CSNK1G1: variants seen among roughly 807,000 people sequenced by gnomAD.
CSNK1G1 encodes the protein casein kinase 1 gamma 1, also known as casein kinase I isoform gamma-1.
Under a neutral mutation model 59.6 loss-of-function variants are expected in CSNK1G1, and 22 were observed. The observed-to-expected ratio is 0.37, with a 90% CI of 0.26 to 0.53. CSNK1G1 has a LOEUF of 0.53. Among genes scored for constraint, CSNK1G1 ranks in the 20% least tolerant of loss-of-function variants. CSNK1G1 has a pLI of 0.89. For synonymous variants in CSNK1G1, 179 were observed against 177.1 expected (o/e 1.01, Z -0.08); for missense variants, 384 against 519.5 (o/e 0.74, Z 2.54).
chr15:64,215,511 C>T (rs2082301166), intron 5 of CSNK1G1, among the ~76,000 whole-genome samples: 1 of 152,022 alleles, frequency 6.6e-6, no homozygotes, highest in Non-Finnish European at 1.5e-5. Context: ...CATTCCCAGC[C>T]CTTTTCTACT....
chr15:64,343,454 C>G (rs1327595675), intron 1 of CSNK1G1, among the ~76,000 whole-genome samples: 1 of 152,130 alleles, frequency 6.6e-6, no homozygotes, highest in Non-Finnish European at 1.5e-5. Flanking sequence ...TCTGGGAAAG[C>G]TTTTAAAAAC....
chr15:64,218,037 C>G (rs117630993), intron 4 of CSNK1G1, among the ~76,000 whole-genome samples: 1 of 151,316 alleles, frequency 6.6e-6, no homozygotes, highest in Non-Finnish European at 1.5e-5. Context: ...CTCTGCCTCC[C>G]GGACTAACGC....
Position 64,275,740 on chromosome 15 carries a change from A to T in CSNK1G1, c.182-16499T>A, listed in dbSNP as rs149325826. Among the ~76,000 whole-genome samples, 55 of 152,276 alleles carry T rather than the reference A, an allele frequency of 3.6e-4. 1 individual carries two copies. Among genetic ancestry groups the T allele is most frequent in the African/African-American group, 1.2e-3 (49 of 41,578 alleles). ...ATTGATTTTAAAGAATGTCTTGACC[A>T]AATTTTTTAAAGAAAAAATATATAA... On this transcript the variant is annotated intron_variant, in intron 2 of 11. Transcript: ENST00000303052.
chr15:64,286,878 C>T (rs1384828726), intron 2 of CSNK1G1, among the ~76,000 whole-genome samples: 1 of 152,066 alleles, frequency 6.6e-6, no homozygotes, highest in African/African-American at 2.4e-5. Flanking sequence ...AAATCTCTGA[C>T]GATTAATGTT....
chr15:64,319,390 A>G (rs1451441915), intron 1 of CSNK1G1, among the ~76,000 whole-genome samples: 1 of 151,900 alleles, frequency 6.6e-6, no homozygotes, highest in South Asian at 2.1e-4. Flanking sequence ...GATATCAGGC[A>G]TCCTGAGACT....
intron 4 of CSNK1G1, among the ~76,000 whole-genome samples, chr15:64,240,020 G>A (rs919292533): frequency 2.0e-5 from 3 of 152,086 alleles, no homozygotes; most frequent in Non-Finnish European, 4.4e-5. Context: ...GATCACTTGA[G>A]GTCAGGAGTT....
At chr15:64,203,375 G>A (rs549554022) in intron 9 of CSNK1G1, among the ~76,000 whole-genome samples, 186 bp from the exon 10 acceptor site, 3 of 152,232 alleles carry the variant, frequency 2.0e-5, no homozygotes, top group Non-Finnish European at 4.4e-5. Context: ...GTCCTTAATA[G>A]TTCATTGGAG....
At chr15:64,319,748 A>C (rs567544028) in intron 1 of CSNK1G1, among the ~76,000 whole-genome samples, 1 of 151,592 alleles carries the variant, frequency 6.6e-6, no homozygotes, top group Non-Finnish European at 1.5e-5. Context: ...ACGAGGTTTC[A>C]CCGTGTTGCC....
Position 64,297,442 on chromosome 15 carries a change from C to T in CSNK1G1, c.181+2877G>A, listed in dbSNP as rs190039760. On this transcript the variant is annotated intron_variant, in intron 2 of 11. Transcript: ENST00000303052. ...GCACACGGTTGGTCAGGTGTGGCGG[C>T]TCACATCTGTAATCCCAACACTTTG... Among the ~76,000 whole-genome samples, 42 of 152,162 alleles carry T rather than the reference C, an allele frequency of 2.8e-4. 1 individual carries two copies. In the East Asian group the frequency reaches 7.2e-3, roughly 26 times the overall value.
intron 10 of CSNK1G1, chr15:64,181,607 T>C (rs1212915707): frequency 1.1e-5 from 7 of 610,250 alleles, no homozygotes; most frequent in African/African-American, 1.9e-5. Context: ...CAGCATAGTG[T>C]AGAAATTGCC....
At chr15:64,261,872 G>A (rs1171031855) in intron 2 of CSNK1G1, among the ~76,000 whole-genome samples, 1 of 150,076 alleles carries the variant, frequency 6.7e-6, no homozygotes, top group Non-Finnish European at 1.5e-5. Flanking sequence ...GACCTGGGAG[G>A]CAGAGGTTGC....
intron 1 of CSNK1G1, among the ~76,000 whole-genome samples, chr15:64,351,220 G>C (rs1418287721): frequency 6.6e-6 from 1 of 152,072 alleles, no homozygotes; most frequent in Non-Finnish European, 1.5e-5. Context: ...TAAAAAGAAA[G>C]CACCGCCTGG....
intron 2 of CSNK1G1, among the ~76,000 whole-genome samples, chr15:64,261,837 G>A (rs753921728): frequency 6.6e-6 from 1 of 151,240 alleles, no homozygotes; most frequent in Admixed American, 6.6e-5. Context: ...CAGCTACTCA[G>A]GAGGCTGAGG....
At chr15:64,213,433 CT>C (rs2082273125) in intron 6 of CSNK1G1, among the ~76,000 whole-genome samples, 1 of 152,140 alleles carries the variant, frequency 6.6e-6, no homozygotes, top group African/African-American at 2.4e-5. Context: ...TATATTTTCA[CT>C]GAATAAGACA....
rs2082291284 is a variant in CSNK1G1 at position 64,214,914 on chromosome 15, C to T, written c.445-790G>A. Among the ~76,000 whole-genome samples, 3 of 152,166 alleles carry T rather than the reference C, an allele frequency of 2.0e-5. No individual in the cohort carries two copies. In the South Asian group the frequency reaches 6.2e-4, roughly 32 times the overall value. On this transcript the variant is annotated intron_variant, in intron 5 of 11. Coordinates refer to ENST00000303052, the MANE Select transcript of CSNK1G1 (RefSeq NM_022048.5). The surrounding 1 kb of genome is among the most constrained non-coding windows in gnomAD (Gnocchi z 4.3). The stretch of plus-strand genomic sequence containing the variant: ...TCGGCCTCCCAAAATGCTAGGATTA[C>T]AGGCATGAGCCACCATGCCTGGCCG...
rs11852842 is a variant in CSNK1G1 at position 64,226,069 on chromosome 15, G to A, written c.293-9356C>T. Among the ~76,000 whole-genome samples, 1,289 of 152,274 alleles carry A rather than the reference G, an allele frequency of 8.5e-3. 18 individuals carry two copies. Among genetic ancestry groups the A allele is most frequent in the African/African-American group, 0.029 (1,198 of 41,552 alleles). On this transcript the variant is annotated intron_variant, in intron 4 of 11. Coordinates refer to ENST00000303052, the MANE Select transcript of CSNK1G1 (RefSeq NM_022048.5). ...GCCTTCGTCTTCCATTGCTTTGTGC[G>A]TTTTGTTCAATTCTTTGCTCAAGGC...
rs774906143 is a variant in CSNK1G1 at position 64,214,106 on chromosome 15, C to T, written c.463G>A (p.Val155Met). ...AIQLLSRMEY[V>M]HSKNLIYRDV... The stretch of plus-strand genomic sequence containing the variant: ...CGGTAAATGAGGTTCTTTGAGTGCA[C>T]GTATTCCATTCGAGAAAGCTGAAAG... Residue 155 changes from valine (V) to methionine (M), a missense_variant, in exon 6 of 12, where the codon GTG (valine) becomes ATG (methionine). Physicochemically the swap from Val to Met is conservative, Grantham distance 21 (BLOSUM62 1). Transcript: ENST00000303052. This position sits in a 1 kb window ranked among gnomAD's most constrained non-coding sequence, Gnocchi z 4.3. 4 of 1,613,158 alleles carry T rather than the reference C, an allele frequency of 2.5e-6. No homozygotes were observed. Among genetic ancestry groups the T allele is most frequent in the South Asian group, 2.2e-5 (2 of 91,020 alleles).
chr15:64,320,694 AAAG>A (rs1842315549), intron 1 of CSNK1G1, among the ~76,000 whole-genome samples: 1 of 151,500 alleles, frequency 6.6e-6, no homozygotes. Context: ...AAAAAAAAAA[AAAG>A]AAAAAAGAAA....
chr15:64,274,225 A>G (rs1336188828), intron 2 of CSNK1G1, among the ~76,000 whole-genome samples: 1 of 152,232 alleles, frequency 6.6e-6, no homozygotes, highest in African/African-American at 2.4e-5. Flanking sequence ...TTTCTTTGCA[A>G]GGGCACAAAT....
Sources: gnomAD v4.1 joint callset for allele counts (sites outside exome capture counted in the v4.1 genomes callset) on GRCh38, gnomAD v4.1.1 for gene constraint, Gnocchi (gnomAD v3.1) non-coding constraint, MANE v1.5 for transcripts, NCBI Gene and HGNC (gene_info 2026-07-23, HGNC 2026-07-21) for gene names.